The following XKR9 variants were observed in gnomAD, a reference collection of about 807,000 sequenced individuals.
XKR9 encodes the protein XK related 9, also known as XK-related protein 9.
Under a neutral mutation model 32.0 loss-of-function variants are expected in XKR9, and 32 were observed. The ratio of observed to expected loss-of-function variants is 1.00; its 90% CI spans 0.76 to 1.34. The LOEUF (loss-of-function observed/expected upper bound fraction) is 1.34, where lower values mean the gene tolerates loss of function less well. XKR9 is among the 40% of genes most tolerant of loss of function. The pLI, the probability that XKR9 is intolerant of heterozygous loss-of-function variation, is 0.00. For synonymous variants in XKR9, 168 were observed against 143.4 expected, an observed-to-expected ratio of 1.17 and a Z score of -1.22; for missense variants, 546 against 429.7, an observed-to-expected ratio of 1.27 and a Z score of -2.39.
intron 2 of XKR9, among the ~76,000 whole-genome samples, chr8:70,741,952 C>T (rs183900003): frequency 8.6e-4 from 122 of 142,560 alleles, no homozygotes; most frequent in Middle Eastern, 3.7e-3. Context: ...CTCACCAACA[C>T]GTGTTGTATT....
chr8:70,733,299 C>T (rs1279233079), intron 4 of XKR9, among the ~76,000 whole-genome samples: 1 of 151,632 alleles, frequency 6.6e-6, no homozygotes, highest in African/African-American at 2.4e-5. Context: ...TTCTGTTTAA[C>T]CCTCTTTCTC....
the XKR9 span, among the ~76,000 whole-genome samples, chr8:70,956,016 G>A: frequency 1.3e-5 from 2 of 152,230 alleles, no homozygotes; most frequent in African/African-American, 2.4e-5. Flanking sequence ...TCACAACCCT[G>A]GCTCGGGAAG....
chr8:70,969,906 AAC>A, the XKR9 span, among the ~76,000 whole-genome samples: 1 of 152,046 alleles, frequency 6.6e-6, no homozygotes, highest in South Asian at 2.1e-4. Context: ...CTCCACCCCC[AAC>A]CATTCACCCG....
rs528694530 is a variant in XKR9 at position 70,718,695 on chromosome 8, C to G, written c.493+11542C>G. Among the ~76,000 whole-genome samples, 15 of 152,254 alleles carry G rather than the reference C, an allele frequency of 9.9e-5. No homozygotes were observed. In the East Asian group the frequency reaches 2.9e-3, roughly 29 times the overall value. On this transcript the variant is annotated intron_variant, in intron 4 of 4. Transcript: ENST00000408926. ...CATAGTATTCCATGGCATATATGGG[C>G]CACATTTTCTTTATCCAGTCTATCA...
the XKR9 span, among the ~76,000 whole-genome samples, chr8:71,013,410 A>T: frequency 2.6e-5 from 4 of 152,118 alleles, no homozygotes; most frequent in African/African-American, 9.7e-5. Context: ...ATTTTGGAAA[A>T]GGCTGGGTAT....
At chr8:70,993,283 G>C in the XKR9 span, among the ~76,000 whole-genome samples, 6 of 152,146 alleles carry the variant, frequency 3.9e-5, no homozygotes, top group African/African-American at 1.4e-4. Context: ...TCTTGAAAAG[G>C]CTGAAAATAA....
the XKR9 span, among the ~76,000 whole-genome samples, chr8:70,885,433 A>T: frequency 6.6e-6 from 1 of 152,074 alleles, no homozygotes; most frequent in Non-Finnish European, 1.5e-5. Flanking sequence ...AAGTTCTGGG[A>T]TACATGTGCT....
chr8:70,908,990 G>T, the XKR9 span, among the ~76,000 whole-genome samples: 1 of 152,174 alleles, frequency 6.6e-6, no homozygotes, highest in Non-Finnish European at 1.5e-5. Context: ...TTTAATTTCT[G>T]TTCTAAAGAT....
intron 3 of XKR9, among the ~76,000 whole-genome samples, chr8:70,687,350 CTT>C (rs1819328403): frequency 7.2e-6 from 1 of 138,554 alleles, no homozygotes; most frequent in Non-Finnish European, 1.6e-5. Context: ...TTCTTTCTTT[CTT>C]TCTTTCTCTC....
the XKR9 span, among the ~76,000 whole-genome samples, chr8:70,883,068 A>T: frequency 2.0e-5 from 3 of 151,700 alleles, no homozygotes; most frequent in East Asian, 5.8e-4. Context: ...AATTTAATGC[A>T]CCTGTCACCC....
chr8:70,952,844 G>T, the XKR9 span, among the ~76,000 whole-genome samples: 1 of 152,258 alleles, frequency 6.6e-6, no homozygotes, highest in Non-Finnish European at 1.5e-5. Flanking sequence ...GCTACTCAAA[G>T]TGTGGCCTGA....
the XKR9 span, among the ~76,000 whole-genome samples, chr8:70,949,453 TAA>T: frequency 6.6e-6 from 1 of 151,816 alleles, no homozygotes; most frequent in African/African-American, 2.4e-5. Flanking sequence ...ACATTTATAT[TAA>T]GATTTATATT....
chr8:70,977,500 G>A, the XKR9 span, among the ~76,000 whole-genome samples: 1 of 152,240 alleles, frequency 6.6e-6, no homozygotes, highest in African/African-American at 2.4e-5. Context: ...TTACCCAGCA[G>A]TCATTCAGGA....
chr8:70,757,284 G>T (rs527968307), intron 2 of XKR9, among the ~76,000 whole-genome samples: 3 of 152,032 alleles, frequency 2.0e-5, no homozygotes, highest in African/African-American at 7.2e-5. Context: ...TTCTGTGAGG[G>T]TCTGTTTATT....
At chr8:70,859,778 C>G in the XKR9 span, among the ~76,000 whole-genome samples, 1 of 151,976 alleles carries the variant, frequency 6.6e-6, no homozygotes, top group South Asian at 2.1e-4. Context: ...CATTTGGGAG[C>G]TAAACATGAT....
At chr8:70,964,003 A>G in the XKR9 span, among the ~76,000 whole-genome samples, 1 of 151,982 alleles carries the variant, frequency 6.6e-6, no homozygotes, top group Non-Finnish European at 1.5e-5. Context: ...CTTTTGTTGC[A>G]ATTACTTTTG....
the XKR9 span, among the ~76,000 whole-genome samples, chr8:70,818,476 T>C: frequency 2.8e-4 from 43 of 152,286 alleles, 1 homozygote; most frequent in Middle Eastern, 3.4e-3. Flanking sequence ...CTTTTATTTA[T>C]TATAATATAA....
the XKR9 span, among the ~76,000 whole-genome samples, chr8:71,054,494 G>C: frequency 1.4e-4 from 22 of 152,080 alleles, no homozygotes; most frequent in Admixed American, 1.4e-3. Context: ...GACACTAAGG[G>C]TAGGAGCCTG....
At chr8:70,950,306 G>T in the XKR9 span, among the ~76,000 whole-genome samples, 1 of 152,162 alleles carries the variant, frequency 6.6e-6, no homozygotes, top group African/African-American at 2.4e-5. Context: ...GATCTCCTGA[G>T]AACTGATGCT....
Sources: gnomAD v4.1 joint callset for allele counts (sites outside exome capture counted in the v4.1 genomes callset) on GRCh38, gnomAD v4.1.1 for gene constraint, MANE v1.5 for transcripts, NCBI Gene and HGNC (gene_info 2026-07-23, HGNC 2026-07-21) for gene names.